PEAK1: variants seen among roughly 807,000 people sequenced by gnomAD.
PEAK1 encodes the protein pseudopodium enriched atypical kinase 1.
PEAK1 carries 54 observed loss-of-function variants against 124.7 expected under a neutral mutation model. The observed-to-expected ratio is 0.43, with a 90% CI of 0.35 to 0.54. The LOEUF (loss-of-function observed/expected upper bound fraction) is 0.54. PEAK1 is among the 20% of genes least tolerant of loss of function. The probability of loss-of-function intolerance (pLI) is 0.01; values close to 1 mark genes in which losing one functional copy is unlikely to be tolerated. For synonymous variants in PEAK1, 719 were observed against 760.0 expected (o/e 0.95, Z 0.89); for missense variants, 2,046 against 2,134.5 (o/e 0.96, Z 0.82).
intron 1 of PEAK1, among the ~76,000 whole-genome samples, chr15:77,414,888 C>G (rs1469949762): frequency 6.6e-6 from 1 of 152,160 alleles, no homozygotes; most frequent in African/African-American, 2.4e-5. Flanking sequence ...GCTCATAATC[C>G]AGGAGGACTC....
intron 2 of PEAK1, chr15:77,351,786 A>G (rs546472451): frequency 1.0e-6 from 1 of 985,468 alleles, no homozygotes; most frequent in Admixed American, 6.1e-5. Context: ...ATCTTGATGA[A>G]AATGTGGAGC....
chr15:77,252,739 A>G lies in PEAK1; in HGVS notation c.-274-213T>C, dbSNP rs2060936353. Among the ~76,000 whole-genome samples, 5 of 152,326 alleles carry G rather than the reference A, an allele frequency of 3.3e-5. No individual in the cohort carries two copies. In the South Asian group the frequency reaches 1.0e-3, roughly 32 times the overall value. ...TGGCATACCAAAGAACCAGTAACTTACAAGAACCGAAAGAGCACCGATGCA... is the reference window on the plus strand; with the variant it reads ...TGGCATACCAAAGAACCAGTAACTTGCAAGAACCGAAAGAGCACCGATGCA... On this transcript the variant is annotated intron_variant, in intron 5 of 9. Coordinates refer to ENST00000682557, the MANE Select transcript of PEAK1 (RefSeq NM_001385026.1).
intron 6 of PEAK1, among the ~76,000 whole-genome samples, chr15:77,215,922 ATATTTATTTT>A (rs1449488550): frequency 6.6e-6 from 1 of 151,962 alleles, no homozygotes; most frequent in African/African-American, 2.4e-5. Context: ...ATTTATATTT[ATATTTATTTT>A]TGTCAATACC....
At chr15:77,240,595 C>CAA (rs796070115) in intron 6 of PEAK1, among the ~76,000 whole-genome samples, 7 of 128,800 alleles carry the variant, frequency 5.4e-5, no homozygotes, top group African/African-American at 2.0e-4. Context: ...GACCCTGTCT[C>CAA]AAAAAAAAAA....
chr15:77,420,625 A>T (rs79927508), upstream of PEAK1: 1 of 178,648 alleles, frequency 5.6e-6, no homozygotes, highest in East Asian at 8.4e-5. Flanking sequence ...CCTTCGCAAT[A>T]AAAAAAAAAA....
chr15:77,369,708 T>C (rs1305951479), intron 1 of PEAK1, among the ~76,000 whole-genome samples: 1 of 152,220 alleles, frequency 6.6e-6, no homozygotes, highest in Non-Finnish European at 1.5e-5. Flanking sequence ...CAGGTCTTAG[T>C]GGTGGCTCTG....
intron 2 of PEAK1, among the ~76,000 whole-genome samples, chr15:77,318,717 T>C (rs2065023362): frequency 6.6e-6 from 1 of 152,048 alleles, no homozygotes; most frequent in Non-Finnish European, 1.5e-5. Flanking sequence ...AATAAATACC[T>C]ATTCTAATTC....
At chr15:77,302,815 G>C (rs1452490265) in intron 2 of PEAK1, among the ~76,000 whole-genome samples, 1 of 152,058 alleles carries the variant, frequency 6.6e-6, no homozygotes, top group East Asian at 1.9e-4. Flanking sequence ...CACTCTTTCT[G>C]CTATAAAATT....
Position 77,350,610 on chromosome 15 carries a change from TAAAAA to T in PEAK1, c.-603+14548_-603+14552del. On this transcript the variant is annotated intron_variant, in intron 2 of 9. Coordinates refer to ENST00000682557, the MANE Select transcript of PEAK1 (RefSeq NM_001385026.1). ...AGTATATGTGTGTTAGAGATTCAAG[TAAAAA>T]AAAAAAAAAAACAAGGCCCAGCTTG... 2 of 903,624 alleles carry T rather than the reference TAAAAA, an allele frequency of 2.2e-6. 1 individual carries two copies. The highest frequency in any genetic ancestry group is 1.1e-3 in the Middle Eastern group (2 of 1,770). 56.0% of individuals were successfully genotyped at this position (903,624 alleles called of 1,614,324 possible).
chr15:77,340,110 C>G (rs1438876078), intron 2 of PEAK1, among the ~76,000 whole-genome samples: 2 of 152,212 alleles, frequency 1.3e-5, no homozygotes, highest in African/African-American at 4.8e-5. Flanking sequence ...CTTAGTCTCA[C>G]TGTATGATCC....
At chr15:77,348,466 T>C in intron 2 of PEAK1, 3 of 952,952 alleles carry the variant, frequency 3.1e-6, no homozygotes, top group Non-Finnish European at 3.7e-6. Flanking sequence ...TAATAGGTTG[T>C]AAAAGCTAAA....
intron 1 of PEAK1, chr15:77,419,449 C>T (rs1048036007): frequency 1.4e-4 from 141 of 985,284 alleles, no homozygotes; most frequent in Non-Finnish European, 1.5e-4. Flanking sequence ...CGCCAGCCCA[C>T]ACGTTCGCGG....
chr15:77,342,187 T>C (rs980650637), intron 2 of PEAK1, among the ~76,000 whole-genome samples: 7 of 148,620 alleles, frequency 4.7e-5, no homozygotes, highest in Admixed American at 2.7e-4. Context: ...ACACACAACA[T>C]AAAATCTTCA....
At chr15:77,355,340 TTATTA>T (rs2067453219) in intron 2 of PEAK1, among the ~76,000 whole-genome samples, 1 of 152,170 alleles carries the variant, frequency 6.6e-6, no homozygotes, top group Non-Finnish European at 1.5e-5. Context: ...TTATACATAC[TTATTA>T]TAAGTAAAAT....
At chr15:77,266,117 G>A (rs542952784) in intron 5 of PEAK1, among the ~76,000 whole-genome samples, 121 of 152,210 alleles carry the variant, frequency 7.9e-4, no homozygotes, top group Non-Finnish European at 1.4e-3. Context: ...TGGGGAGAGG[G>A]GGGAGGGATA....
intron 1 of PEAK1, among the ~76,000 whole-genome samples, chr15:77,394,827 C>G (rs953588676): frequency 7.2e-5 from 11 of 152,146 alleles, no homozygotes; most frequent in African/African-American, 2.7e-4. Context: ...CCTGGAGAGA[C>G]AGAGATAATG....
At chr15:77,410,076 T>TGTG (rs376575701) in intron 1 of PEAK1, among the ~76,000 whole-genome samples, 3 of 60,180 alleles carry the variant, frequency 5.0e-5, no homozygotes, top group African/African-American at 1.6e-4. Context: ...TGTGTGTGTG[T>TGTG]TTTTTTTTTT....
intron 2 of PEAK1, among the ~76,000 whole-genome samples, chr15:77,313,433 A>G (rs948504116): frequency 6.6e-6 from 1 of 152,092 alleles, no homozygotes; most frequent in African/African-American, 2.4e-5. Flanking sequence ...AACCTAACAT[A>G]GGCTGTGCAC....
intron 2 of PEAK1, among the ~76,000 whole-genome samples, chr15:77,313,652 ATGTGTGTG>A (rs775220459): frequency 1.0e-3 from 92 of 90,584 alleles, no homozygotes; most frequent in East Asian, 6.7e-3. Context: ...GTATGTATGT[ATGTGTGTG>A]TGTGTGTGTG....
Sources: allele counts gnomAD v4.1 joint callset (sites outside exome capture counted in the v4.1 genomes callset), GRCh38; gene constraint gnomAD v4.1.1; transcripts MANE v1.5; gene names NCBI Gene and HGNC (gene_info 2026-07-23, HGNC 2026-07-21).